The following KAZN variants were observed in gnomAD, a reference collection of about 807,000 sequenced individuals.
KAZN encodes kazrin, periplakin interacting protein.
In KAZN, 40 loss-of-function variants were observed where a neutral mutation model predicts 87.4. That is an observed-to-expected ratio of 0.46 (90% CI 0.36 to 0.60). The LOEUF (loss-of-function observed/expected upper bound fraction) is 0.60, where lower values mean the gene tolerates loss of function less well. KAZN is among the 20% of genes least tolerant of loss of function. The pLI, the probability that KAZN is intolerant of heterozygous loss-of-function variation, is 0.00. For synonymous variants in KAZN, 466 were observed against 458.3 expected, an observed-to-expected ratio of 1.02 and a Z score of -0.22; for missense variants, 898 against 1,073.9, an observed-to-expected ratio of 0.84 and a Z score of 2.29.
At chr1:14,885,488 G>T (rs1653937628) in intron 1 of KAZN, among the ~76,000 whole-genome samples, 1 of 152,094 alleles carries the variant, frequency 6.6e-6, no homozygotes, top group African/African-American at 2.4e-5. Flanking sequence ...CTCTGACACT[G>T]CACCCTTTAT....
intron 1 of KAZN, among the ~76,000 whole-genome samples, chr1:14,624,436 A>C (rs868589099): frequency 7.9e-6 from 1 of 125,934 alleles, no homozygotes; most frequent in Non-Finnish European, 1.5e-5. Context: ...AAAAAAAAAA[A>C]CAACAAAAAA....
intron 2 of KAZN, among the ~76,000 whole-genome samples, chr1:14,296,629 CTTTTTTTTTTTTT>C (rs775666706): frequency 3.6e-5 from 3 of 82,764 alleles, no homozygotes; most frequent in East Asian, 4.1e-4. Flanking sequence ...TTTTGTATTT[CTTTTTTTTTTTTT>C]TTTTTTTTTT....
At chr1:14,832,845 T>A (rs1237292442) in intron 1 of KAZN, among the ~76,000 whole-genome samples, 4 of 152,148 alleles carry the variant, frequency 2.6e-5, no homozygotes, top group African/African-American at 9.7e-5. Context: ...CCTGTGAAAG[T>A]TACATGAAAT....
chr1:14,197,719 AACC>A (rs767682535), intron 2 of KAZN, among the ~76,000 whole-genome samples: 7 of 152,248 alleles, frequency 4.6e-5, no homozygotes, highest in Middle Eastern at 3.4e-3. Context: ...AAAAAAGAAA[AACC>A]ACCACTACCA....
In KAZN at chr1:14,968,383, C is replaced by T. The variant is rs1388097261; in HGVS notation, c.418+7508C>T. 3.3e-5 allele frequency among the ~76,000 whole-genome samples: 5 copies of T among 152,120 alleles called. No homozygotes were observed. The East Asian group carries it at 9.6e-4, about 29-fold the overall frequency. ...TACAGATGAAACTTCGCTCGCTCGC[C>T]CCTCACCTCCTGCTGTGCAGCCTGC... On this transcript the variant is annotated intron_variant, in intron 2 of 14. Coordinates refer to ENST00000376030, the MANE Select transcript of KAZN (RefSeq NM_201628.3).
intron 1 of KAZN, among the ~76,000 whole-genome samples, chr1:13,986,829 C>T (rs1639041705): frequency 6.6e-6 from 1 of 152,180 alleles, no homozygotes; most frequent in Non-Finnish European, 1.5e-5. Context: ...AGTGCCAGGA[C>T]ATTGGGGTTG....
chr1:14,207,700 G>C (rs936626967), intron 2 of KAZN, among the ~76,000 whole-genome samples: 1 of 152,072 alleles, frequency 6.6e-6, no homozygotes, highest in African/African-American at 2.4e-5. Context: ...TCTGTATCCT[G>C]GCCATTTTAG....
At chr1:14,313,865 A>T (rs1018569745) in intron 2 of KAZN, among the ~76,000 whole-genome samples, 2 of 152,208 alleles carry the variant, frequency 1.3e-5, no homozygotes, top group African/African-American at 4.8e-5. Flanking sequence ...AATAAATAGG[A>T]TGTGATTTCC....
rs539832798 is a variant in KAZN, at chr1:15,040,535, GCAGA to G, written c.556-3449_556-3446del. Reference sequence around the variant, plus strand: ...AATCCTAGCACTTAGGGAGGCTGAGGCAGACAGATCACCTGAGGTCAGGAGTCCA... The same window carrying G: ...AATCCTAGCACTTAGGGAGGCTGAGGCAGATCACCTGAGGTCAGGAGTCCA... On this transcript the variant is annotated intron_variant, in intron 3 of 14. Transcript: ENST00000376030. Among the ~76,000 whole-genome samples, 561 of 152,310 alleles carry G rather than the reference GCAGA, an allele frequency of 3.7e-3. 2 individuals carry two copies. The highest frequency in any genetic ancestry group is 6.7e-3 in the Non-Finnish European group (458 of 68,010).
At chr1:14,724,068 A>G (rs1007837720) in intron 1 of KAZN, among the ~76,000 whole-genome samples, 4 of 152,186 alleles carry the variant, frequency 2.6e-5, no homozygotes, top group African/African-American at 7.2e-5. Flanking sequence ...TTTTACAACA[A>G]CAACGTGATT....
At chr1:14,180,282 G>T (rs903876320) in intron 1 of KAZN, among the ~76,000 whole-genome samples, 9 of 152,168 alleles carry the variant, frequency 5.9e-5, no homozygotes, top group Non-Finnish European at 1.3e-4. Flanking sequence ...GAACATGTTT[G>T]TTAATGGAAT....
intron 1 of KAZN, among the ~76,000 whole-genome samples, chr1:14,943,381 ACT>A (rs1212506427): frequency 6.6e-6 from 1 of 151,894 alleles, no homozygotes; most frequent in Non-Finnish European, 1.5e-5. Flanking sequence ...TGGAGAGCCT[ACT>A]CCGGAGACCT....
chr1:14,067,796 C>T (rs7538925), intron 1 of KAZN, among the ~76,000 whole-genome samples: 29,109 of 152,160 alleles, frequency 0.19, 2,991 homozygotes, highest in Middle Eastern at 0.31. Context: ...CCAGGGCACC[C>T]ACGATGTCAC....
chr1:14,034,712 G>A (rs942876798), intron 1 of KAZN, among the ~76,000 whole-genome samples: 23 of 152,314 alleles, frequency 1.5e-4, no homozygotes, highest in Middle Eastern at 3.4e-3. Flanking sequence ...CCAGAAGAGA[G>A]AGTTCATGGT....
intron 2 of KAZN, among the ~76,000 whole-genome samples, chr1:14,188,194 C>CAT (rs71570186): frequency 2.9e-5 from 4 of 140,054 alleles, no homozygotes; most frequent in African/African-American, 8.1e-5. Flanking sequence ...GAGAGAGGAG[C>CAT]GTGTGTGTGT....
At chr1:14,368,206 G>A (rs1207586217) in intron 2 of KAZN, among the ~76,000 whole-genome samples, 1 of 152,120 alleles carries the variant, frequency 6.6e-6, no homozygotes, top group Non-Finnish European at 1.5e-5. Flanking sequence ...ACAGGAGCAG[G>A]GACAAGCTTG....
chr1:14,432,903 T>C (rs1174570820), intron 2 of KAZN, among the ~76,000 whole-genome samples: 2 of 152,168 alleles, frequency 1.3e-5, no homozygotes, highest in Non-Finnish European at 2.9e-5. Flanking sequence ...GGACATGATC[T>C]TATTCTTTTT....
At chr1:14,398,973 T>TC (rs1663141702) in intron 2 of KAZN, among the ~76,000 whole-genome samples, 1 of 151,918 alleles carries the variant, frequency 6.6e-6, no homozygotes, top group Admixed American at 6.6e-5. Flanking sequence ...ATCTCCCCAT[T>TC]CCCCCCTCCA....
intron 2 of KAZN, among the ~76,000 whole-genome samples, chr1:14,430,317 G>A (rs555616119): frequency 6.6e-6 from 1 of 151,078 alleles, no homozygotes; most frequent in East Asian, 1.9e-4. Flanking sequence ...CTGTGTGTGT[G>A]TTGAGCCCTG....
Sources: gnomAD v4.1 joint callset for allele counts (sites outside exome capture counted in the v4.1 genomes callset) on GRCh38, gnomAD v4.1.1 for gene constraint, MANE v1.5 for transcripts, NCBI Gene and HGNC (gene_info 2026-07-23, HGNC 2026-07-21) for gene names.